SALL3: variants seen among roughly 807,000 people sequenced by gnomAD.
SALL3 encodes the protein spalt like transcription factor 3.
Under a neutral mutation model 66.2 loss-of-function variants are expected in SALL3, and 25 were observed. The observed-to-expected ratio is 0.38, with a 90% CI of 0.28 to 0.53. SALL3 has a LOEUF of 0.53. Ranked by LOEUF, SALL3 falls within the 20% of genes least tolerant of loss-of-function variation. The pLI is 0.85. For synonymous variants in SALL3, 1,152 were observed against 899.1 expected, an observed-to-expected ratio of 1.28 and a Z score of -5.03; for missense variants, 2,194 against 1,916.5, an observed-to-expected ratio of 1.14 and a Z score of -2.70.
At position 78,993,498 on chromosome 18, in the gene SALL3, C is replaced by A; in HGVS notation, c.1507C>A (p.Leu503Met). The change falls in exon 2 of 3, where the codon CTG becomes ATG. Residue 503 changes from leucine to methionine, a missense_variant. By Grantham distance (15) the Leu-to-Met change is conservative. Transcript: ENST00000537592. ...CTCGGGCATCCCCTACGGCATGTCG[C>A]TGCCCCCCGAGAAGCCCGTGACCAC... ...TCSGIPYGMS[L>M]PPEKPVTTWL... is the part of the protein sequence containing the mutation. 6.2e-7 allele frequency: 1 copy of A among 1,607,034 alleles called. No homozygotes were observed.
At chr18:78,996,194 G>A (rs529854829) in intron 2 of SALL3, among the ~76,000 whole-genome samples, 2 of 152,330 alleles carry the variant, frequency 1.3e-5, no homozygotes, top group African/African-American at 4.8e-5. Context: ...GTATGAGATC[G>A]CAGCAGCAGC....
chr18:78,992,458 C>T lies in SALL3; in HGVS notation c.467C>T (p.Thr156Met). 4.9e-6 allele frequency: 7 copies of T among 1,434,150 alleles called. No homozygotes were observed. The highest frequency in any genetic ancestry group is 1.3e-5 in the South Asian group (1 of 76,274). The allele number at this position is 1,434,150 out of a possible 1,614,324, so 88.8% of individuals were successfully genotyped here. A position where few individuals can be genotyped will look rare whatever the true frequency, so the allele number is the denominator to read the frequency against. ...CCGCCTGCGGCCCCTGCACCCCCAA[C>T]GCCCGCCTACGGCGCGCCCAGCACC... ...RPPPAAPAPPTPAYGAPSTNV... is the reference protein window; with the variant it reads ...RPPPAAPAPPMPAYGAPSTNV... The change falls in exon 2 of 3, where the codon ACG becomes ATG. Residue 156 changes from threonine (T) to methionine (M), a missense_variant. Transcript: ENST00000537592.
rs760560525 is a variant in SALL3, at chr18:78,997,249, C to T, written c.3830C>T (p.Ala1277Val). Reference sequence around the variant, plus strand: ...CCACCCATCGTCAGCTTGGACAAAGCGAGCTCAGAAACAGCAGCCAGCCGC... The same window carrying T: ...CCACCCATCGTCAGCTTGGACAAAGTGAGCTCAGAAACAGCAGCCAGCCGC... The part of the protein sequence containing the change: ...SSPPIVSLDK[A>V]SSETAASRPF... The change falls in exon 3 of 3, where the codon GCG (alanine) becomes GTG (valine). Residue 1277 changes from alanine (A) to valine (V), a missense_variant. Physicochemically the swap from Ala to Val is moderately conservative, Grantham distance 64. Transcript: ENST00000537592. 3.8e-5 allele frequency: 61 copies of T among 1,613,910 alleles called. No individual in the cohort carries two copies. The highest frequency in any genetic ancestry group is 1.3e-4 in the Admixed American group (8 of 60,008).
At position 78,979,986 on chromosome 18, in the gene SALL3, C is replaced by T. The variant is rs942606417; in HGVS notation, c.-289C>T. 6.9e-6 allele frequency among the ~76,000 whole-genome samples: 1 copy of T among 145,354 alleles called. No individual in the cohort carries two copies. Among genetic ancestry groups the T allele is most frequent in the Non-Finnish European group, 1.5e-5 (1 of 65,476 alleles). Reference sequence around the variant, plus strand: ...AGGCGGCGCCGGGCAGCGCGCGCCCCGGTCCCGAGGCGCCGCGGCCCCCTC... The same window carrying T: ...AGGCGGCGCCGGGCAGCGCGCGCCCTGGTCCCGAGGCGCCGCGGCCCCCTC... On this transcript the variant is annotated 5_prime_UTR_variant, in exon 1 of 3. Transcript: ENST00000537592.
chr18:78,995,117 T>C lies in SALL3; in HGVS notation c.3126T>C (p.Ala1042=), dbSNP rs1473809274. 3.1e-6 allele frequency: 5 copies of C among 1,613,688 alleles called. No homozygotes were observed. Among genetic ancestry groups the C allele is most frequent in the Middle Eastern group, 1.6e-4 (1 of 6,082 alleles). Residue 1042 remains alanine (A), a synonymous_variant, in exon 2 of 3, where the codon GCT becomes GCC. Coordinates refer to ENST00000537592, the MANE Select transcript of SALL3 (RefSeq NM_171999.4). ...LPSQLFDPNF[A]LGPSQSTPSL... is the part of the protein sequence containing the mutation. ...CTCAGTTATTTGACCCCAACTTTGC[T>C]CTAGGTCCCAGCCAAAGCACTCCTA...
Position 78,998,368 on chromosome 18 carries a change from G to C in SALL3, c.*1046G>C, listed in dbSNP as rs1453516165. 1.3e-5 allele frequency: 2 copies of C among 152,146 alleles called. No individual in the cohort carries two copies. The highest frequency in any genetic ancestry group is 4.8e-5 in the African/African-American group (2 of 41,438). The allele number at this position is 152,146 out of a possible 1,614,324, so 9.4% of individuals were successfully genotyped here. A position where few individuals can be genotyped will look rare whatever the true frequency, so the allele number is the denominator to read the frequency against. On this transcript the variant is annotated 3_prime_UTR_variant, in exon 3 of 3. Coordinates refer to ENST00000537592, the MANE Select transcript of SALL3 (RefSeq NM_171999.4). Reference sequence around the variant, plus strand: ...GAAAACTGTTACAGTTCCTTGTTTTGTCTTATGGTCAAACAATATTAGAAA... The same window carrying C: ...GAAAACTGTTACAGTTCCTTGTTTTCTCTTATGGTCAAACAATATTAGAAA...
Position 78,994,069 on chromosome 18 carries a change from C to T in SALL3, c.2078C>T (p.Ala693Val), listed in dbSNP as rs767242808. Residue 693 changes from alanine (A) to valine (V), a missense_variant, in exon 2 of 3, where the codon GCG becomes GTG. Transcript: ENST00000537592. ...CACCGGGTGCTGAGCTGCCAGAGCG[C>T]GCTGAAGATGCACTACCGGACGCAC... is the stretch of plus-strand genomic sequence containing the variant. Reference protein sequence around the residue: ...ICHRVLSCQSALKMHYRTHTG... With the variant: ...ICHRVLSCQSVLKMHYRTHTG... The T allele has an allele frequency of 1.2e-6, 2 of 1,612,868 alleles. No homozygotes were observed. The highest frequency in any genetic ancestry group is 1.7e-6 in the Non-Finnish European group (2 of 1,179,970).
chr18:78,980,796 C>T (rs1039731945), intron 1 of SALL3, among the ~76,000 whole-genome samples: 1 of 152,068 alleles, frequency 6.6e-6, no homozygotes, highest in Non-Finnish European at 1.5e-5. Flanking sequence ...GCCGCCCGGC[C>T]AGCTTTGTTC....
intron 1 of SALL3, among the ~76,000 whole-genome samples, chr18:78,985,523 G>C (rs1350425199): frequency 6.6e-6 from 1 of 152,172 alleles, no homozygotes; most frequent in African/African-American, 2.4e-5. Flanking sequence ...CAACGACCCA[G>C]GGCAGTGGCT....
At chr18:78,988,200 CATA>C (rs1198305614) in intron 1 of SALL3, among the ~76,000 whole-genome samples, 1 of 152,190 alleles carries the variant, frequency 6.6e-6, no homozygotes, top group Non-Finnish European at 1.5e-5. Flanking sequence ...TTGAATCTGA[CATA>C]ATACTGGCTT....
At chr18:78,996,061 G>A (rs1218220716) in intron 2 of SALL3, among the ~76,000 whole-genome samples, 1 of 152,194 alleles carries the variant, frequency 6.6e-6, no homozygotes, top group Admixed American at 6.5e-5. Flanking sequence ...GCAGTACCAA[G>A]GCGAGGCCAC....
chr18:78,995,429 C>T lies in SALL3; in HGVS notation c.3438C>T (p.Cys1146=), dbSNP rs144370136. The T allele has an allele frequency of 1.0e-5, 16 of 1,583,978 alleles. No homozygotes were observed. Among genetic ancestry groups the T allele is most frequent in the South Asian group, 2.3e-5 (2 of 88,212 alleles). The change falls in exon 2 of 3, where the codon TGC becomes TGT. Residue 1146 remains cysteine, a synonymous_variant. Coordinates refer to ENST00000537592, the MANE Select transcript of SALL3 (RefSeq NM_171999.4). ...TGEKPFGCTI[C]GRAFTTKGNL... is the part of the protein sequence containing the mutation. ...AGAAGCCGTTCGGCTGCACCATCTG[C>T]GGCCGGGCCTTCACCACTAAGGGCA...
intron 1 of SALL3, among the ~76,000 whole-genome samples, chr18:78,985,684 C>T (rs1029318501): frequency 2.0e-5 from 3 of 152,176 alleles, no homozygotes; most frequent in African/African-American, 7.2e-5. Context: ...TGCTTCTGGA[C>T]GCAGCGTGGC....
Position 78,993,230 on chromosome 18 carries a change from C to G in SALL3, c.1239C>G (p.Ala413=). Residue 413 remains alanine, a synonymous_variant, in exon 2 of 3, where the codon GCC becomes GCG. Transcript: ENST00000537592. ...NVSVFEPKAS[A]EDPFFKHKCR... ...CGGTGTTCGAGCCCAAAGCCAGCGC[C>G]GAGGACCCGTTCTTCAAGCACAAAT... The G allele has an allele frequency of 1.9e-6, 3 of 1,611,178 alleles. No homozygotes were observed. The highest frequency in any genetic ancestry group is 2.5e-6 in the Non-Finnish European group (3 of 1,179,746).
chr18:78,995,084 GCTGCCTT>G lies in SALL3; in HGVS notation c.3096_3102del (p.Pro1033SerfsTer9), dbSNP rs1387939874. Reference sequence around the variant, plus strand: ...ACTTACTGACACACAGATTGAAAGAGCTGCCTTCTCAGTTATTTGACCCCAACTTTGC... The same window carrying G: ...ACTTACTGACACACAGATTGAAAGAGCTCAGTTATTTGACCCCAACTTTGC... On this transcript the variant is annotated frameshift_variant, in exon 2 of 3. Transcript: ENST00000537592. LOFTEE classifies it high-confidence loss of function. The G allele has an allele frequency of 6.2e-7, 1 of 1,613,894 alleles. No individual in the cohort carries two copies. Among genetic ancestry groups the G allele is most frequent in the South Asian group, 1.1e-5 (1 of 91,088 alleles).
rs1174787706 is a variant in SALL3 at position 78,979,867 on chromosome 18, G to C, written c.-408G>C. Among the ~76,000 whole-genome samples the C allele has an allele frequency of 6.9e-6, 1 of 144,988 alleles. No homozygotes were observed. Among genetic ancestry groups the C allele is most frequent in the Non-Finnish European group, 1.5e-5 (1 of 65,302 alleles). ...CCAAAGTTTGCTGCCTGCGCCCTGC[G>C]GAGGGACGGCCACCGCGGCCCGCGC... is the stretch of plus-strand genomic sequence containing the variant. On this transcript the variant is annotated 5_prime_UTR_variant, in exon 1 of 3. Transcript: ENST00000537592.
In SALL3 at chr18:78,998,473, T is replaced by G. The variant is rs1826303471; in HGVS notation, c.*1151T>G. The G allele has an allele frequency of 2.6e-5, 4 of 152,136 alleles. No homozygotes were observed. The South Asian group carries it at 6.2e-4, about 24-fold the overall frequency. 9.4% of individuals were successfully genotyped at this position (152,136 alleles called of 1,614,324 possible). A position where few individuals can be genotyped will look rare whatever the true frequency, so the allele number is the denominator to read the frequency against. On this transcript the variant is annotated 3_prime_UTR_variant, in exon 3 of 3. Coordinates refer to ENST00000537592, the MANE Select transcript of SALL3 (RefSeq NM_171999.4). ...CTGCCGTTTCTTAAATTAAAATGAT[T>G]TATTTAACTTTTCCACAAAGCCCAC...
At chr18:78,987,471 C>G (rs557106953) in intron 1 of SALL3, among the ~76,000 whole-genome samples, 8 of 152,246 alleles carry the variant, frequency 5.3e-5, no homozygotes, top group African/African-American at 1.9e-4. Flanking sequence ...GACCTTCCTC[C>G]CCTCTTCTGT....
rs760516190 is a variant in SALL3, at chr18:78,996,922, C to T, written c.3503C>T (p.Ala1168Val). Residue 1168 changes from alanine to valine, a missense_variant, in exon 3 of 3, where the codon GCC becomes GTC. Ala to Val is a moderately conservative substitution (Grantham distance 64). Coordinates refer to ENST00000537592, the MANE Select transcript of SALL3 (RefSeq NM_171999.4). Reference sequence around the variant, plus strand: ...ATGGGGACACACATGTGGAATAACGCCCCCGCGAGACGCGGCCGCCGCCTG... The same window carrying T: ...ATGGGGACACACATGTGGAATAACGTCCCCGCGAGACGCGGCCGCCGCCTG... ...VHMGTHMWNN[A>V]PARRGRRLSV... 20 of 1,612,554 alleles carry T rather than the reference C, an allele frequency of 1.2e-5. No homozygotes were observed. In the Middle Eastern group the frequency reaches 6.6e-4, roughly 53 times the overall value.
Sources: allele counts gnomAD v4.1 joint callset (sites outside exome capture counted in the v4.1 genomes callset), GRCh38; gene constraint gnomAD v4.1.1; transcripts MANE v1.5; gene names NCBI Gene and HGNC (gene_info 2026-07-23, HGNC 2026-07-21).